Variants in CUX2 observed in about 807,000 individuals in gnomAD.
The protein encoded by CUX2 is cut like homeobox 2, also known as homeobox protein cut-like 2.
Under a neutral mutation model 144.8 loss-of-function variants are expected in CUX2, and 40 were observed. The ratio of observed to expected loss-of-function variants is 0.28; its 90% CI spans 0.21 to 0.36. CUX2 has a LOEUF of 0.36. CUX2 is among the 10% of genes least tolerant of loss of function. The probability of loss-of-function intolerance (pLI) is 1.00; values close to 1 mark genes in which losing one functional copy is unlikely to be tolerated. For synonymous variants in CUX2, 827 were observed against 875.6 expected (o/e 0.94, Z 0.98); for missense variants, 1,615 against 1,994.0 (o/e 0.81, Z 3.62).
At chr12:111,302,680 G>T (rs1042911069) in intron 9 of CUX2, among the ~76,000 whole-genome samples, 1 of 150,714 alleles carries the variant, frequency 6.6e-6, no homozygotes, top group Non-Finnish European at 1.5e-5. Flanking sequence ...TGGGTGGATT[G>T]CTTAAGCCCA....
At chr12:111,294,267 C>T (rs1885849736) in intron 6 of CUX2, among the ~76,000 whole-genome samples, 1 of 152,166 alleles carries the variant, frequency 6.6e-6, no homozygotes. Flanking sequence ...ACTACCACAC[C>T]TGGCTAATTT....
Position 111,293,494 on chromosome 12 carries a change from G to T in CUX2, c.485G>T (p.Ser162Ile). 1 of 1,608,334 alleles carries T rather than the reference G, an allele frequency of 6.2e-7. No homozygotes were observed. Among genetic ancestry groups the T allele is most frequent in the Non-Finnish European group, 8.5e-7 (1 of 1,178,562 alleles). ...GCCGGGCCCACGCTGACCGAGGGAA[G>T]CCGCCTCCCAGGCATTCCCGGGAAA... ...SPAGPTLTEG[S>I]RLPGIPGKAL... is the part of the protein sequence containing the mutation. Residue 162 changes from serine (S) to isoleucine (I), a missense_variant, in exon 6 of 22, where the codon AGC (serine) becomes ATC (isoleucine). Physicochemically the swap from Ser to Ile is moderately radical, Grantham distance 142. Coordinates refer to ENST00000261726, the MANE Select transcript of CUX2 (RefSeq NM_015267.4). The surrounding 1 kb of genome is among the most constrained non-coding windows in gnomAD (Gnocchi z 4.5).
chr12:111,044,413 C>T (rs1869901677), intron 1 of CUX2, among the ~76,000 whole-genome samples: 1 of 152,032 alleles, frequency 6.6e-6, no homozygotes, highest in African/African-American at 2.4e-5. Flanking sequence ...ATTCAAGCCC[C>T]TGTGGCCTCC....
chr12:111,112,899 C>T (rs1468245600), intron 1 of CUX2, among the ~76,000 whole-genome samples: 2 of 152,204 alleles, frequency 1.3e-5, no homozygotes, highest in African/African-American at 2.4e-5. Flanking sequence ...CTGTGCTCAC[C>T]CCGGCTGGGT....
intron 3 of CUX2, among the ~76,000 whole-genome samples, chr12:111,244,850 A>G (rs1200908974): frequency 5.3e-5 from 8 of 152,200 alleles, no homozygotes; most frequent in African/African-American, 1.7e-4. Context: ...AGCAGAAACC[A>G]GATTTCATTG....
rs148443761 is a variant in CUX2 at position 111,277,700 on chromosome 12, A to G, written c.302-13718A>G. On this transcript the variant is annotated intron_variant, in intron 4 of 21. Transcript: ENST00000261726. The surrounding 1 kb of genome is among the most constrained non-coding windows in gnomAD (Gnocchi z 5.0). ...CGGCCCAGAGCTTTCCCTGACACAC[A>G]GCAGGCACTCGGGAAATATTTGGCA... Among the ~76,000 whole-genome samples, 1,103 of 152,312 alleles carry G rather than the reference A, an allele frequency of 7.2e-3. 15 individuals are homozygous for G. Among genetic ancestry groups the G allele is most frequent in the African/African-American group, 0.026 (1,069 of 41,566 alleles).
At chr12:111,219,869 G>A (rs759916818) in intron 3 of CUX2, among the ~76,000 whole-genome samples, 23 of 152,058 alleles carry the variant, frequency 1.5e-4, no homozygotes, top group South Asian at 6.2e-4. Context: ...TTTGAGGCCC[G>A]GCAGTGGCTC....
rs754183400 is a variant in CUX2 at position 111,304,321 on chromosome 12, A to C, written c.858+7A>C. 3 of 1,611,090 alleles carry C rather than the reference A, an allele frequency of 1.9e-6. No individual in the cohort carries two copies. The highest frequency in any genetic ancestry group is 2.5e-6 in the Non-Finnish European group (3 of 1,178,136). ...TCCCCAGGGGCCCAGTGGGGTAAGG[A>C]TGGGGTTGGGGAAGTGAGCAGGGAG... On this transcript the variant is annotated splice_region_variant and intron_variant, in intron 10 of 21. Transcript: ENST00000261726. This position sits in a 1 kb window ranked among gnomAD's most constrained non-coding sequence, Gnocchi z 4.7.
chr12:111,092,191 G>T (rs1872594065), intron 1 of CUX2, among the ~76,000 whole-genome samples: 1 of 152,234 alleles, frequency 6.6e-6, no homozygotes, highest in Admixed American at 6.5e-5. Context: ...TTTGTTAGGA[G>T]TTTTGTGGTG....
intron 1 of CUX2, among the ~76,000 whole-genome samples, chr12:111,173,716 G>A (rs915865378): frequency 6.6e-6 from 1 of 152,148 alleles, no homozygotes; most frequent in Non-Finnish European, 1.5e-5. Flanking sequence ...CCTGAGTTAG[G>A]CCATTGATTT....
At chr12:111,197,058 G>A (rs1397339219) in intron 1 of CUX2, among the ~76,000 whole-genome samples, 1 of 152,190 alleles carries the variant, frequency 6.6e-6, no homozygotes, top group East Asian at 1.9e-4. Flanking sequence ...AAAGAGAGTG[G>A]ACGGGCTCTG....
chr12:111,295,554 C>A lies in CUX2; in HGVS notation c.637+145C>A, dbSNP rs1430113280. The A allele has an allele frequency of 4.5e-6, 3 of 665,176 alleles. No individual in the cohort carries two copies. Among genetic ancestry groups the A allele is most frequent in the Non-Finnish European group, 7.5e-6 (3 of 400,902 alleles). 41.2% of individuals were successfully genotyped at this position (665,176 alleles called of 1,614,324 possible). On this transcript the variant is annotated intron_variant, in intron 7 of 21. Coordinates refer to ENST00000261726, the MANE Select transcript of CUX2 (RefSeq NM_015267.4). The surrounding 1 kb of genome is among the most constrained non-coding windows in gnomAD (Gnocchi z 5.0). The stretch of plus-strand genomic sequence containing the variant: ...TGGGAGTTTGGGAAGAATAATCTTA[C>A]CCAGTGGGGGGCTGAGCCTCTATGC...
At chr12:111,055,478 C>T (rs1334209823) in intron 1 of CUX2, among the ~76,000 whole-genome samples, 1 of 152,238 alleles carries the variant, frequency 6.6e-6, no homozygotes, top group Non-Finnish European at 1.5e-5. Flanking sequence ...GTCCCACGGC[C>T]CTTGGCCTAC....
chr12:111,111,251 G>A (rs138311945), intron 1 of CUX2, among the ~76,000 whole-genome samples: 3 of 152,124 alleles, frequency 2.0e-5, no homozygotes, highest in East Asian at 3.9e-4. Flanking sequence ...GCAGTGAGCC[G>A]AGATTGCATC....
At chr12:111,319,960 C>G in intron 16 of CUX2, 52 bp from the exon 17 acceptor site, 1 of 1,418,556 alleles carries the variant, frequency 7.0e-7, no homozygotes, top group Non-Finnish European at 9.2e-7. Context: ...TCGTCCCCTG[C>G]ATGCCGAGCC....
rs1199188934 is a variant in CUX2, at chr12:111,146,309, C to G, written c.64-67891C>G. Among the ~76,000 whole-genome samples, 17 of 152,324 alleles carry G rather than the reference C, an allele frequency of 1.1e-4. No homozygotes were observed. In the East Asian group the frequency reaches 3.1e-3, roughly 28 times the overall value. ...TTGTAGTATCATGAAGAAGAGTTTT[C>G]CTGCCCTAAAAATCCTCTTGTATTC... On this transcript the variant is annotated intron_variant, in intron 1 of 21. Transcript: ENST00000261726.
At position 111,341,997 on chromosome 12, in the gene CUX2, C is replaced by T; in HGVS notation, c.3603C>T (p.Leu1201=). 6.2e-7 allele frequency: 1 copy of T among 1,614,140 alleles called. No homozygotes were observed. The highest frequency in any genetic ancestry group is 8.5e-7 in the Non-Finnish European group (1 of 1,180,016). ...PYPSQQTIEL[L]SFQLNLKTNT... ...CCTCGCAGCAGACCATCGAGCTCCT[C>T]TCCTTCCAGCTCAACCTCAAGACCA... Residue 1201 remains leucine, a synonymous_variant, in exon 21 of 22, where the codon CTC becomes CTT. Transcript: ENST00000261726.
chr12:111,151,859 G>C (rs774764932), intron 1 of CUX2, among the ~76,000 whole-genome samples: 1 of 152,162 alleles, frequency 6.6e-6, no homozygotes, highest in African/African-American at 2.4e-5. Context: ...TCCTGTTGCT[G>C]TTTGTTTAGT....
intron 1 of CUX2, among the ~76,000 whole-genome samples, chr12:111,104,586 G>A (rs1232058450): frequency 4.6e-5 from 7 of 152,220 alleles, no homozygotes; most frequent in South Asian, 2.1e-4. Flanking sequence ...GCTTTACCTC[G>A]CTGTGGCCCT....
Sources: gnomAD v4.1 joint callset for allele counts (sites outside exome capture counted in the v4.1 genomes callset) on GRCh38, gnomAD v4.1.1 for gene constraint, Gnocchi (gnomAD v3.1) non-coding constraint, MANE v1.5 for transcripts, NCBI Gene and HGNC (gene_info 2026-07-23, HGNC 2026-07-21) for gene names.